Variants in SPAG16 observed in about 807,000 individuals in gnomAD.
SPAG16 encodes sperm associated antigen 16.
A neutral mutation model predicts 80.4 loss-of-function variants in SPAG16; 86 were observed. The ratio of observed to expected loss-of-function variants is 1.07; its 90% confidence interval spans 0.90 to 1.28. The LOEUF is 1.28. Among genes scored for constraint, SPAG16 ranks in the 50% most tolerant of loss-of-function variants. The pLI, the probability that SPAG16 is intolerant of heterozygous loss-of-function variation, is 0.00. For missense variants in SPAG16, 870 were observed against 765.3 expected (o/e 1.14, Z -1.61); for synonymous variants, 294 against 265.9 (o/e 1.11, Z -1.03).
chr2:213,383,699 C>G (rs2067290044), intron 9 of SPAG16, among the ~76,000 whole-genome samples: 1 of 152,170 alleles, frequency 6.6e-6, no homozygotes, highest in Admixed American at 6.5e-5. Context: ...AACTACTGTC[C>G]TGTTTGCACC....
chr2:213,396,150 T>C (rs2068024157), intron 9 of SPAG16, among the ~76,000 whole-genome samples: 1 of 152,230 alleles, frequency 6.6e-6, no homozygotes, highest in South Asian at 2.1e-4. Flanking sequence ...ATTATTCTTC[T>C]TCAGAAGTGT....
chr2:214,115,256 C>T (rs757301021), intron 14 of SPAG16, among the ~76,000 whole-genome samples: 3 of 152,118 alleles, frequency 2.0e-5, no homozygotes, highest in Admixed American at 1.3e-4. Context: ...TCCCACAGGT[C>T]TCTTGAGGAC....
intron 13 of SPAG16, among the ~76,000 whole-genome samples, chr2:214,030,972 T>A (rs1211385237): frequency 1.3e-5 from 2 of 152,226 alleles, no homozygotes; most frequent in South Asian, 4.1e-4. Context: ...GCATGTTTTA[T>A]ATGATTCTTC....
chr2:213,956,573 G>A (rs748713762), intron 12 of SPAG16, among the ~76,000 whole-genome samples: 8 of 149,434 alleles, frequency 5.4e-5, no homozygotes, highest in African/African-American at 1.7e-4. Flanking sequence ...TCAGCCTCCC[G>A]AGTAACTGGG....
chr2:214,185,024 T>G (rs2057424400), intron 15 of SPAG16, among the ~76,000 whole-genome samples: 1 of 152,056 alleles, frequency 6.6e-6, no homozygotes, highest in Non-Finnish European at 1.5e-5. Flanking sequence ...TGATTATTAA[T>G]CTCAATAATC....
intron 9 of SPAG16, among the ~76,000 whole-genome samples, chr2:213,431,015 A>T (rs76957445): frequency 0.023 from 3,544 of 152,330 alleles, 58 homozygotes; most frequent in South Asian, 0.038. Context: ...TTTTTCTCAG[A>T]CAAGCAAACA....
chr2:214,268,279 C>T (rs1691735071), intron 15 of SPAG16, among the ~76,000 whole-genome samples: 1 of 151,644 alleles, frequency 6.6e-6, no homozygotes, highest in Admixed American at 6.6e-5. Context: ...TTGTGAGATC[C>T]AGGAATCTCA....
At chr2:213,957,453 C>CTTT (rs144878230) in intron 12 of SPAG16, among the ~76,000 whole-genome samples, 14 of 147,592 alleles carry the variant, frequency 9.5e-5, no homozygotes, top group African/African-American at 2.5e-4. Flanking sequence ...TTTGCATGAA[C>CTTT]TTTTTTTTTT....
At chr2:213,478,715 A>T (rs2073569938) in intron 9 of SPAG16, among the ~76,000 whole-genome samples, 3 of 152,182 alleles carry the variant, frequency 2.0e-5, no homozygotes. Context: ...GAATGAATTA[A>T]TAAAAACTAT....
At chr2:213,751,677 C>CT (rs2125489384) in intron 10 of SPAG16, among the ~76,000 whole-genome samples, 1 of 152,316 alleles carries the variant, frequency 6.6e-6, no homozygotes, top group Admixed American at 6.5e-5. Context: ...ACACGCACGC[C>CT]TGAACTTAAC....
At chr2:213,534,896 A>T (rs752027633) in intron 10 of SPAG16, among the ~76,000 whole-genome samples, 8 of 152,128 alleles carry the variant, frequency 5.3e-5, no homozygotes, top group Non-Finnish European at 1.0e-4. Flanking sequence ...CATAATTAAG[A>T]GTAAATTGAG....
intron 10 of SPAG16, among the ~76,000 whole-genome samples, chr2:213,794,917 A>G (rs2070929154): frequency 6.6e-6 from 1 of 152,126 alleles, no homozygotes; most frequent in African/African-American, 2.4e-5. Context: ...AAAGCTTTAG[A>G]TTACCTAAAA....
chr2:214,409,585 T>C (rs2126162526), intron 15 of SPAG16, among the ~76,000 whole-genome samples: 1 of 152,286 alleles, frequency 6.6e-6, no homozygotes, highest in South Asian at 2.1e-4. Context: ...TCAAGTCATT[T>C]TGAAATGGAA....
chr2:213,339,034 A>G (rs1027232057), intron 5 of SPAG16, among the ~76,000 whole-genome samples: 13 of 152,226 alleles, frequency 8.5e-5, no homozygotes, highest in African/African-American at 2.2e-4. Context: ...TAAAAAAAAA[A>G]AAAAGAAAAG....
intron 15 of SPAG16, among the ~76,000 whole-genome samples, chr2:214,384,986 T>C (rs993669424): frequency 3.9e-5 from 6 of 152,364 alleles, no homozygotes; most frequent in African/African-American, 9.6e-5. Flanking sequence ...ATTTTCACCA[T>C]TGACAACCAG....
At chr2:213,426,770 T>G (rs1360067241) in intron 9 of SPAG16, among the ~76,000 whole-genome samples, 8 of 150,682 alleles carry the variant, frequency 5.3e-5, no homozygotes, top group Admixed American at 3.3e-4. Flanking sequence ...TGTGTGTGTG[T>G]GTGTGTGTGT....
chr2:213,652,459 T>C (rs865908590), intron 10 of SPAG16, among the ~76,000 whole-genome samples: 3 of 152,152 alleles, frequency 2.0e-5, no homozygotes, highest in African/African-American at 7.2e-5. Context: ...CACATACACA[T>C]ACATGCACAA....
At chr2:214,199,767 T>C (rs989146100) in intron 15 of SPAG16, among the ~76,000 whole-genome samples, 8 of 152,192 alleles carry the variant, frequency 5.3e-5, no homozygotes, top group Admixed American at 2.0e-4. Context: ...GTATCATCTA[T>C]GATTTCTTTG....
At position 213,468,463 on chromosome 2, in the gene SPAG16, CTATGTATTTATATATAGATATATA is replaced by C. The variant is rs1289207030; in HGVS notation, c.943-21472_943-21449del. On this transcript the variant is annotated intron_variant, in intron 9 of 15. Transcript: ENST00000331683. ...TATTTATATATAGATATATATATCTCTATGTATTTATATATAGATATATATATGTATTTATATATAGATATATAT... is the reference window on the plus strand; with the variant it reads ...TATTTATATATAGATATATATATCTCTATGTATTTATATATAGATATATAT... Among the ~76,000 whole-genome samples, 470 of 111,368 alleles carry C rather than the reference CTATGTATTTATATATAGATATATA, an allele frequency of 4.2e-3. 9 individuals carry two copies. The highest frequency in any genetic ancestry group is 0.022 in the African/African-American group (428 of 19,860). 73.1% of individuals were successfully genotyped at this position (111,368 alleles called of 152,430 possible).
Sources: gnomAD v4.1 joint callset for allele counts (sites outside exome capture counted in the v4.1 genomes callset) on GRCh38, gnomAD v4.1.1 for gene constraint, MANE v1.5 for transcripts, NCBI Gene and HGNC (gene_info 2026-07-23, HGNC 2026-07-21) for gene names.